SLC2A5: variants seen among roughly 807,000 people sequenced by gnomAD.
SLC2A5 encodes solute carrier family 2, facilitated glucose transporter member 5.
In SLC2A5, 56 loss-of-function variants were observed where a neutral mutation model predicts 50.3. The observed-to-expected ratio is 1.11, with a 90% CI of 0.90 to 1.39. SLC2A5 has a LOEUF of 1.39. Among genes scored for constraint, SLC2A5 ranks in the 40% most tolerant of loss-of-function variants. SLC2A5 has a pLI of 0.00. For synonymous variants in SLC2A5, 269 were observed against 281.9 expected, an observed-to-expected ratio of 0.95 and a Z score of 0.46; for missense variants, 566 against 650.1, an observed-to-expected ratio of 0.87 and a Z score of 1.41.
chr1:9,041,440 T>C, intron 5 of SLC2A5: 1 of 1,268,274 alleles, frequency 7.9e-7, no homozygotes, highest in East Asian at 3.0e-5. Flanking sequence ...TGATGCTGGG[T>C]CCGCCCCAAG....
At chr1:9,057,844 G>A (rs1184013141) in intron 2 of SLC2A5, among the ~76,000 whole-genome samples, 1 of 152,070 alleles carries the variant, frequency 6.6e-6, no homozygotes, top group Non-Finnish European at 1.5e-5. Context: ...CAGCCAGAAA[G>A]GGATGACTCC....
intron 4 of SLC2A5, among the ~76,000 whole-genome samples, chr1:9,042,778 T>C (rs868015478): frequency 1.2e-4 from 19 of 152,032 alleles, no homozygotes; most frequent in African/African-American, 4.3e-4. Flanking sequence ...ATAGGAACAG[T>C]AAATAAACCA....
chr1:9,067,650 C>A (rs909620693), intron 1 of SLC2A5, among the ~76,000 whole-genome samples: 1 of 152,084 alleles, frequency 6.6e-6, no homozygotes, highest in Non-Finnish European at 1.5e-5. Flanking sequence ...ATGACCCAAG[C>A]GAAGGGGCTG....
rs1405542056 is a variant in SLC2A5, at chr1:9,036,034, T to A, written c.*1552A>T. On this transcript the variant is annotated 3_prime_UTR_variant, in exon 12 of 12. Transcript: ENST00000377424. ...GAATTATGGGAGCTACAATTCAAGA[T>A]GAGATTTGGGTGGGGACACAGCCAA... 1 of 152,224 alleles carries A rather than the reference T, an allele frequency of 6.6e-6. No homozygotes were observed. Among genetic ancestry groups the A allele is most frequent in the Non-Finnish European group, 1.5e-5 (1 of 68,060 alleles). 9.4% of individuals were successfully genotyped at this position (152,224 alleles called of 1,614,324 possible). A position where few individuals can be genotyped will look rare whatever the true frequency, so the allele number is the denominator to read the frequency against.
chr1:9,052,410 G>T (rs1641602475), intron 3 of SLC2A5, among the ~76,000 whole-genome samples: 1 of 152,140 alleles, frequency 6.6e-6, no homozygotes, highest in Non-Finnish European at 1.5e-5. Context: ...GAGGGAGGGG[G>T]TGACTAGGCA....
chr1:9,039,589 C>G lies in SLC2A5; in HGVS notation c.959G>C (p.Gly320Ala). 6.3e-7 allele frequency: 1 copy of G among 1,575,556 alleles called. No individual in the cohort carries two copies. The highest frequency in any genetic ancestry group is 8.6e-7 in the Non-Finnish European group (1 of 1,161,588). Residue 320 changes from glycine to alanine, a missense_variant, in exon 8 of 12, where the codon GGC becomes GCC. Physicochemically the swap from Gly to Ala is moderately conservative, Grantham distance 60. Transcript: ENST00000377424. Reference sequence around the variant, plus strand: ...CATGACCACGTTCACGGCCCCGGTGCCGGCCGTCACGTACTGCACGTGCTC... The same window carrying G: ...CATGACCACGTTCACGGCCCCGGTGGCGGCCGTCACGTACTGCACGTGCTC... ...PEEHVQYVTA[G>A]TGAVNVVMTF...
chr1:9,055,692 G>A (rs1486889647), intron 3 of SLC2A5, among the ~76,000 whole-genome samples: 1 of 151,756 alleles, frequency 6.6e-6, no homozygotes, highest in Non-Finnish European at 1.5e-5. Flanking sequence ...GAGGTGGGTG[G>A]ATCACTTGAC....
rs1349671868 is a variant in SLC2A5 at position 9,040,208 on chromosome 1, G to A, written c.572-19C>T. 1 of 1,543,512 alleles carries A rather than the reference G, an allele frequency of 6.5e-7. No homozygotes were observed. The highest frequency in any genetic ancestry group is 2.0e-5 in the Admixed American group (1 of 50,786). Reference sequence around the variant, plus strand: ...GGCCAGCCTGGGAGGAAGGCAGCGAGCTGGCACCAGCGGCCTCCCCACCAC... The same window carrying A: ...GGCCAGCCTGGGAGGAAGGCAGCGAACTGGCACCAGCGGCCTCCCCACCAC... On this transcript the variant is annotated intron_variant, in intron 5 of 11. Coordinates refer to ENST00000377424, the MANE Select transcript of SLC2A5 (RefSeq NM_003039.3). This position sits in a 1 kb window ranked among gnomAD's most constrained non-coding sequence, Gnocchi z 4.3.
chr1:9,056,415 C>T (rs1641752907), intron 3 of SLC2A5, among the ~76,000 whole-genome samples: 1 of 152,096 alleles, frequency 6.6e-6, no homozygotes, highest in Admixed American at 6.6e-5. Flanking sequence ...CAACTCCTGA[C>T]CTCAGGTGAT....
chr1:9,039,190 C>T (rs922219889), intron 8 of SLC2A5, among the ~76,000 whole-genome samples: 10 of 152,260 alleles, frequency 6.6e-5, no homozygotes, highest in African/African-American at 2.2e-4. Flanking sequence ...CTCAGGATTC[C>T]TGCCCTCGGG....
At position 9,079,567 on chromosome 1, in the gene SLC2A5, C is replaced by T. The variant is rs191226645; in HGVS notation, c.-59+5447G>A. 1.6e-3 allele frequency among the ~76,000 whole-genome samples: 245 copies of T among 152,322 alleles called. 1 individual carries two copies. Among genetic ancestry groups the T allele is most frequent in the African/African-American group, 5.8e-3 (242 of 41,562 alleles). Reference sequence around the variant, plus strand: ...GTGGCGTGATCTTGGCTCCCTGCAACATTTGCCTCCTAGGCTCAAGTGATT... The same window carrying T: ...GTGGCGTGATCTTGGCTCCCTGCAATATTTGCCTCCTAGGCTCAAGTGATT... On this transcript the variant is annotated intron_variant, in intron 2 of 5. Transcript: ENST00000464985.
At chr1:9,069,707 CT>C (rs1465644218), upstream of SLC2A5, 3 of 675,202 alleles carry the variant, frequency 4.4e-6, no homozygotes, top group Non-Finnish European at 7.6e-6. Context: ...CCTGGTCTTC[CT>C]TTCACTTCTG....
chr1:9,061,605 C>CA (rs3083086), intron 1 of SLC2A5, among the ~76,000 whole-genome samples: 10,414 of 142,810 alleles, frequency 0.073, 441 homozygotes, highest in Middle Eastern at 0.16. Flanking sequence ...GACCCTGTCT[C>CA]AAAAAAAAAA....
chr1:9,040,050 A>G lies in SLC2A5; in HGVS notation c.697+14T>C, dbSNP rs766239277. 12 of 1,584,736 alleles carry G rather than the reference A, an allele frequency of 7.6e-6. No homozygotes were observed. The highest frequency in any genetic ancestry group is 1.0e-5 in the Non-Finnish European group (12 of 1,162,536). ...GCAGAACCTGGAGGCCGCCCCCGCC[A>G]GAGCCCTCGTTACCTTTCTTGGCGG... is the stretch of plus-strand genomic sequence containing the variant. On this transcript the variant is annotated intron_variant, in intron 6 of 11. Transcript: ENST00000377424. The surrounding 1 kb of genome is among the most constrained non-coding windows in gnomAD (Gnocchi z 4.3).
At chr1:9,069,686 C>G, upstream of SLC2A5, 1 of 784,078 alleles carries the variant, frequency 1.3e-6, no homozygotes, top group South Asian at 1.6e-5. Flanking sequence ...TCAGAATAAC[C>G]CTTTCAGGAA....
At chr1:9,079,546 C>T (rs879381870) in intron 2 of SLC2A5, among the ~76,000 whole-genome samples, 2 of 152,152 alleles carry the variant, frequency 1.3e-5, no homozygotes, top group Non-Finnish European at 2.9e-5. Context: ...AGTACAGTGG[C>T]GTGATCTTGG....
chr1:9,052,994 T>A (rs1339723711), intron 3 of SLC2A5, among the ~76,000 whole-genome samples: 1 of 136,318 alleles, frequency 7.3e-6, no homozygotes, highest in Non-Finnish European at 1.5e-5. Context: ...ATATATGTTT[T>A]AAAAATATTT....
chr1:9,065,670 A>G (rs1341997964), intron 1 of SLC2A5, among the ~76,000 whole-genome samples: 1 of 151,852 alleles, frequency 6.6e-6, no homozygotes, highest in African/African-American at 2.4e-5. Flanking sequence ...GCCTTGGGCA[A>G]CTCCCTGAGC....
intron 3 of SLC2A5, among the ~76,000 whole-genome samples, chr1:9,055,610 G>A (rs1310116941): frequency 3.3e-5 from 5 of 152,010 alleles, no homozygotes; most frequent in Non-Finnish European, 5.9e-5. Context: ...ATTAATAAAA[G>A]TTAGTTGCTA....
Sources: allele counts gnomAD v4.1 joint callset (sites outside exome capture counted in the v4.1 genomes callset), GRCh38; gene constraint gnomAD v4.1.1; non-coding constraint Gnocchi (gnomAD v3.1); transcripts MANE v1.5; gene names NCBI Gene and HGNC (gene_info 2026-07-23, HGNC 2026-07-21).